FAM169A: variants seen among roughly 807,000 people sequenced by gnomAD.
FAM169A encodes soluble lamin-associated protein of 75 kDa.
A neutral mutation model predicts 75.7 loss-of-function variants in FAM169A; 24 were observed. The ratio of observed to expected loss-of-function variants is 0.32; its 90% CI spans 0.23 to 0.45. The LOEUF is 0.45. Among genes scored for constraint, FAM169A ranks in the 20% least tolerant of loss-of-function variants. The probability of loss-of-function intolerance (pLI) is 1.00; values close to 1 mark genes in which losing one functional copy is unlikely to be tolerated. For missense variants in FAM169A, 673 were observed against 784.0 expected, an observed-to-expected ratio of 0.86 and a Z score of 1.69; for synonymous variants, 271 against 271.0, an observed-to-expected ratio of 1.00 and a Z score of 0.00.
intron 6 of FAM169A, among the ~76,000 whole-genome samples, chr5:74,809,654 C>G (rs1747071476): frequency 6.6e-6 from 1 of 152,070 alleles, no homozygotes; most frequent in African/African-American, 2.4e-5. Flanking sequence ...ACAACATAAG[C>G]AAAAGATGTG....
At chr5:74,820,551 G>C (rs544960125) in intron 5 of FAM169A, among the ~76,000 whole-genome samples, 1 of 152,094 alleles carries the variant, frequency 6.6e-6, no homozygotes, top group African/African-American at 2.4e-5. Context: ...AAATCCTGCA[G>C]GAATCACTTC....
chr5:74,860,178 T>A (rs1397128012), intron 1 of FAM169A, among the ~76,000 whole-genome samples: 2 of 152,208 alleles, frequency 1.3e-5, no homozygotes, highest in Non-Finnish European at 2.9e-5. Flanking sequence ...CCTATGGGCT[T>A]AAACTGTAGA....
intron 11 of FAM169A, among the ~76,000 whole-genome samples, chr5:74,785,540 T>C (rs1745653792): frequency 6.6e-6 from 1 of 152,082 alleles, no homozygotes; most frequent in African/African-American, 2.4e-5. Flanking sequence ...GGGGAGAGGA[T>C]CACTTGAGGT....
chr5:74,854,382 G>T (rs971470389), intron 1 of FAM169A, among the ~76,000 whole-genome samples: 1 of 148,302 alleles, frequency 6.7e-6, no homozygotes. Flanking sequence ...GTGACACAGC[G>T]AGACTCCATC....
chr5:74,784,456 A>C (rs539295279), intron 11 of FAM169A, among the ~76,000 whole-genome samples: 2 of 142,458 alleles, frequency 1.4e-5, no homozygotes, highest in South Asian at 4.7e-4. Context: ...GCAGTGAGCC[A>C]GAGAGATCAT....
chr5:74,791,227 G>T (rs1745958738), intron 11 of FAM169A, among the ~76,000 whole-genome samples: 1 of 152,168 alleles, frequency 6.6e-6, no homozygotes, highest in African/African-American at 2.4e-5. Context: ...TGCGGCAAAG[G>T]TCTCCAGCAG....
At chr5:74,813,749 T>A (rs1397792176) in intron 6 of FAM169A, 91 bp downstream of exon 6, 2 of 917,126 alleles carry the variant, frequency 2.2e-6, no homozygotes, top group East Asian at 5.8e-5. Context: ...ATTTATGTGA[T>A]ACTGATATAT....
At chr5:74,853,701 A>ATTTTTTTTT in intron 1 of FAM169A, among the ~76,000 whole-genome samples, 1 of 110,188 alleles carries the variant, frequency 9.1e-6, no homozygotes, top group Non-Finnish European at 1.7e-5. Flanking sequence ...CATCTTCAGA[A>ATTTTTTTTT]TTTTTTTTTT....
rs1745279358 is a variant in FAM169A, at chr5:74,779,128, T to A, written c.*2332A>T. 1 of 152,248 alleles carries A rather than the reference T, an allele frequency of 6.6e-6. No individual in the cohort carries two copies. The highest frequency in any genetic ancestry group is 2.4e-5 in the African/African-American group (1 of 41,574). The allele number at this position is 152,248 out of a possible 1,614,324, so 9.4% of individuals were successfully genotyped here. On this transcript the variant is annotated 3_prime_UTR_variant, in exon 13 of 13. Transcript: ENST00000687041. ...CTGAACAAAAAACTTCTAAATTGTT[T>A]ACAATTCACTTACTATTTAACCCAA...
At chr5:74,834,209 G>A (rs1748458499) in intron 5 of FAM169A, among the ~76,000 whole-genome samples, 1 of 152,024 alleles carries the variant, frequency 6.6e-6, no homozygotes, top group Admixed American at 6.6e-5. Context: ...TCTTCTTCGG[G>A]ATCAAATGTT....
At chr5:74,804,987 A>G (rs1746789764) in intron 7 of FAM169A, among the ~76,000 whole-genome samples, 169 bp downstream of exon 7, 1 of 152,176 alleles carries the variant, frequency 6.6e-6, no homozygotes, top group Admixed American at 6.5e-5. Context: ...CAAACCTTAG[A>G]CAAGAGAGTC....
At chr5:74,823,228 T>C (rs1268632576) in intron 5 of FAM169A, among the ~76,000 whole-genome samples, 1 of 152,220 alleles carries the variant, frequency 6.6e-6, no homozygotes, top group Non-Finnish European at 1.5e-5. Flanking sequence ...CTTCTCCTAC[T>C]TGTTAGTCCC....
intron 11 of FAM169A, among the ~76,000 whole-genome samples, chr5:74,792,344 G>A (rs1197024121): frequency 6.6e-6 from 1 of 152,142 alleles, no homozygotes; most frequent in Non-Finnish European, 1.5e-5. Context: ...CCTCAATCCA[G>A]GTGGGCACCA....
intron 5 of FAM169A, among the ~76,000 whole-genome samples, chr5:74,826,803 CTT>C (rs777732118): frequency 2.0e-5 from 3 of 152,174 alleles, no homozygotes; most frequent in Admixed American, 6.5e-5. Context: ...AAACTACAGA[CTT>C]TATTCAAATT....
chr5:74,811,537 G>C (rs1288074461), intron 6 of FAM169A, among the ~76,000 whole-genome samples: 1 of 152,146 alleles, frequency 6.6e-6, no homozygotes, highest in Non-Finnish European at 1.5e-5. Flanking sequence ...CTGTTTTCTG[G>C]ATTGCTTTTG....
intron 1 of FAM169A, among the ~76,000 whole-genome samples, chr5:74,846,661 A>G (rs1749172095): frequency 6.6e-6 from 1 of 152,228 alleles, no homozygotes; most frequent in Non-Finnish European, 1.5e-5. Context: ...GGTAGCAAAC[A>G]GTCTTAGAAG....
intron 11 of FAM169A, among the ~76,000 whole-genome samples, chr5:74,784,518 A>AAAAAAAAAAC (rs1745576472): frequency 6.7e-6 from 1 of 148,336 alleles, no homozygotes; most frequent in African/African-American, 2.5e-5. Context: ...CTCAAAAAAA[A>AAAAAAAAAAC]AAAAAAAAAA....
intron 10 of FAM169A, among the ~76,000 whole-genome samples, chr5:74,800,584 C>A (rs6866082): frequency 6.6e-6 from 1 of 151,770 alleles, no homozygotes; most frequent in Non-Finnish European, 1.5e-5. Flanking sequence ...ATTGTCAAGG[C>A]AACACTTAGC....
rs765798545 is a variant in FAM169A at position 74,799,309 on chromosome 5, G to A, written c.1103+1571C>T. ...CACAGCTACTTTTGTGAAGTGGTCC[G>A]CCCTAGAGAACAAATTTGCTGTGGG... On this transcript the variant is annotated intron_variant, in intron 10 of 12. Coordinates refer to ENST00000687041, the MANE Select transcript of FAM169A (RefSeq NM_001376049.1). The A allele has an allele frequency of 3.3e-4, 534 of 1,594,752 alleles. 1 individual carries two copies. The highest frequency in any genetic ancestry group is 6.6e-4 in the Middle Eastern group (4 of 6,020).
Sources: gnomAD v4.1 joint callset for allele counts (sites outside exome capture counted in the v4.1 genomes callset) on GRCh38, gnomAD v4.1.1 for gene constraint, MANE v1.5 for transcripts, NCBI Gene and HGNC (gene_info 2026-07-23, HGNC 2026-07-21) for gene names.